UGT1A6: variants seen among roughly 807,000 people sequenced by gnomAD.
The protein encoded by UGT1A6 is UDP glucuronosyltransferase family 1 member A6.
UGT1A6 carries 32 observed loss-of-function variants against 44.4 expected under a neutral mutation model. The observed-to-expected ratio is 0.72, with a 90% CI of 0.54 to 0.97. UGT1A6 has a LOEUF of 0.97. UGT1A6 is among the 50% of genes least tolerant of loss of function. UGT1A6 has a pLI of 0.00. For synonymous variants in UGT1A6, 238 were observed against 248.5 expected (o/e 0.96, Z 0.40); for missense variants, 685 against 661.9 (o/e 1.03, Z -0.38).
At chr2:233,715,485 A>T (rs1033981670) in intron 1 of UGT1A6, among the ~76,000 whole-genome samples, 2 of 152,154 alleles carry the variant, frequency 1.3e-5, no homozygotes, top group African/African-American at 4.8e-5. Context: ...TTTGAAAATG[A>T]TTTGTGTGCA....
chr2:233,768,861 G>A (rs1031930019), intron 4 of UGT1A6, among the ~76,000 whole-genome samples: 1 of 152,004 alleles, frequency 6.6e-6, no homozygotes, highest in African/African-American at 2.4e-5. Flanking sequence ...TGAGATTACA[G>A]GCATGAGCCA....
Position 233,769,695 on chromosome 2 carries a change from A to G in UGT1A6, c.1301+1256A>G, listed in dbSNP as rs1699919505. ...AATGTGTGTGTGGTGGCACTGGATA[A>G]AAGATCAATGTTGGCTAGGCACCAT... On this transcript the variant is annotated intron_variant, in intron 4 of 4. Transcript: ENST00000305139. The surrounding 1 kb of genome is among the most constrained non-coding windows in gnomAD (Gnocchi z 4.4). The G allele has an allele frequency of 6.5e-7, 1 of 1,540,004 alleles. No individual in the cohort carries two copies. Among genetic ancestry groups the G allele is most frequent in the South Asian group, 1.2e-5 (1 of 81,286 alleles).
At chr2:233,716,520 C>G (rs2076508094) in intron 1 of UGT1A6, among the ~76,000 whole-genome samples, 1 of 152,162 alleles carries the variant, frequency 6.6e-6, no homozygotes, top group Non-Finnish European at 1.5e-5. Flanking sequence ...CTCAGCTTAC[C>G]ATTCAATTAT....
chr2:233,746,453 C>T (rs1693396271), intron 1 of UGT1A6, among the ~76,000 whole-genome samples: 1 of 151,712 alleles, frequency 6.6e-6, no homozygotes, highest in South Asian at 2.1e-4. Flanking sequence ...AAGAAAGTAC[C>T]TTCAAAAGGG....
rs34028775 is a variant in UGT1A6 at position 233,762,751 on chromosome 2, A to AT, written c.862-4276dup. Among the ~76,000 whole-genome samples the AT allele has an allele frequency of 1.5e-3, 214 of 146,458 alleles. 1 individual carries two copies. Among genetic ancestry groups the AT allele is most frequent in the African/African-American group, 5.0e-3 (200 of 39,700 alleles). ...TTTTGGTCACTACTGTGAATGTGTT[A>AT]TTTTTTTGCATTTCTATCTCTAGCT... On this transcript the variant is annotated intron_variant, in intron 1 of 4. Coordinates refer to ENST00000305139, the MANE Select transcript of UGT1A6 (RefSeq NM_001072.4).
At chr2:233,753,773 C>G (rs1417094785) in intron 1 of UGT1A6, 1 of 152,234 alleles carries the variant, frequency 6.6e-6, no homozygotes, top group East Asian at 1.9e-4. Flanking sequence ...TTTGGAAACG[C>G]TTTTCTTTAC....
intron 1 of UGT1A6, among the ~76,000 whole-genome samples, chr2:233,694,833 A>C (rs2075242896): frequency 6.6e-6 from 1 of 152,210 alleles, no homozygotes; most frequent in African/African-American, 2.4e-5. Flanking sequence ...AAAACATAGA[A>C]TGTCAGGATT....
intron 1 of UGT1A6, chr2:233,729,655 C>G (rs2077902514): frequency 6.2e-7 from 1 of 1,613,788 alleles, no homozygotes; most frequent in African/African-American, 1.3e-5. Flanking sequence ...GAGGAACATT[C>G]CATGTGATTT....
intron 1 of UGT1A6, among the ~76,000 whole-genome samples, chr2:233,698,632 A>G (rs1452910614): frequency 6.6e-6 from 1 of 152,262 alleles, no homozygotes; most frequent in Non-Finnish European, 1.5e-5. Context: ...TTTGCCTAAC[A>G]GGTTAGTAAG....
intron 1 of UGT1A6, chr2:233,748,139 A>G: frequency 1.2e-6 from 2 of 1,608,528 alleles, no homozygotes. Context: ...TAAAAATTGT[A>G]TTTACTTACA....
At chr2:233,749,645 C>T (rs1375243273) in intron 1 of UGT1A6, among the ~76,000 whole-genome samples, 7 of 151,834 alleles carry the variant, frequency 4.6e-5, no homozygotes, top group Non-Finnish European at 1.0e-4. Flanking sequence ...CAAATCTCAT[C>T]TTGAATTGTA....
chr2:233,743,747 G>C (rs370175895), intron 1 of UGT1A6: 65 of 1,367,344 alleles, frequency 4.8e-5, no homozygotes, highest in Non-Finnish European at 6.4e-5. Flanking sequence ...CTTGGCGTCC[G>C]ACAACACCTC....
intron 1 of UGT1A6, among the ~76,000 whole-genome samples, chr2:233,702,537 T>G (rs2075692564): frequency 6.6e-6 from 1 of 152,208 alleles, no homozygotes; most frequent in Non-Finnish European, 1.5e-5. Context: ...ATCTTGTTCC[T>G]GATCTTAGGT....
chr2:233,707,574 G>C (rs897653456), intron 1 of UGT1A6, among the ~76,000 whole-genome samples: 6 of 150,032 alleles, frequency 4.0e-5, no homozygotes, highest in African/African-American at 4.9e-5. Flanking sequence ...ATGTTTGAGA[G>C]ATTCATGATG....
intron 1 of UGT1A6, among the ~76,000 whole-genome samples, chr2:233,705,689 G>C (rs551637021): frequency 6.6e-6 from 1 of 152,268 alleles, no homozygotes; most frequent in South Asian, 2.1e-4. Flanking sequence ...CACAACGACT[G>C]GTATAAAAAT....
intron 1 of UGT1A6, chr2:233,729,153 G>T: frequency 6.2e-7 from 1 of 1,613,546 alleles, no homozygotes; most frequent in African/African-American, 1.3e-5. Context: ...AGGTTCCCCT[G>T]CCGTGGCTGG....
chr2:233,763,586 T>C (rs1253183119), intron 1 of UGT1A6, among the ~76,000 whole-genome samples: 1 of 152,240 alleles, frequency 6.6e-6, no homozygotes, highest in Non-Finnish European at 1.5e-5. Flanking sequence ...TTTCTTCCTT[T>C]GTTAACTAAA....
At chr2:233,765,388 A>G (rs776122608) in intron 1 of UGT1A6, among the ~76,000 whole-genome samples, 14 of 152,254 alleles carry the variant, frequency 9.2e-5, no homozygotes, top group Non-Finnish European at 1.5e-4. Flanking sequence ...TGGATAAAGA[A>G]AATGTGGTAC....
chr2:233,759,557 C>T (rs1697172001), intron 1 of UGT1A6, among the ~76,000 whole-genome samples: 1 of 152,070 alleles, frequency 6.6e-6, no homozygotes, highest in South Asian at 2.1e-4. Context: ...AGTGAATTTC[C>T]CTTTCTGGTC....
Sources: allele counts gnomAD v4.1 joint callset (sites outside exome capture counted in the v4.1 genomes callset), GRCh38; gene constraint gnomAD v4.1.1; non-coding constraint Gnocchi (gnomAD v3.1); transcripts MANE v1.5; gene names NCBI Gene and HGNC (gene_info 2026-07-23, HGNC 2026-07-21).